DST: variants seen among roughly 807,000 people sequenced by gnomAD.
DST encodes dystonin.
DST carries 253 observed loss-of-function variants against 875.2 expected under a neutral mutation model. The ratio of observed to expected loss-of-function variants is 0.29; its 90% CI spans 0.26 to 0.32. DST has a LOEUF of 0.32. DST is among the 10% of genes least tolerant of loss of function. The pLI is 1.00. For missense variants in DST, 8,287 were observed against 9,111.6 expected (o/e 0.91, Z 3.68); for synonymous variants, 3,124 against 3,197.1 (o/e 0.98, Z 0.77).
At chr6:56,464,074 A>G (rs1474920248) in intron 100 of DST, 2 of 426,350 alleles carry the variant, frequency 4.7e-6, no homozygotes, top group Non-Finnish European at 8.8e-6. Context: ...TCATGCTAAA[A>G]TATCATTAAT....
chr6:56,494,897 G>A (rs2152445853), intron 82 of DST, among the ~76,000 whole-genome samples: 1 of 151,708 alleles, frequency 6.6e-6, no homozygotes, highest in Non-Finnish European at 1.5e-5. Flanking sequence ...CTATAATGTG[G>A]GTTAAATCAT....
intron 3 of DST, among the ~76,000 whole-genome samples, chr6:56,890,024 G>A (rs1452843989): frequency 1.3e-5 from 2 of 152,182 alleles, no homozygotes; most frequent in Non-Finnish European, 2.9e-5. Flanking sequence ...GAGACTCAAA[G>A]TAATTAAAAT....
intron 3 of DST, among the ~76,000 whole-genome samples, chr6:56,852,491 T>C (rs542895154): frequency 7.9e-5 from 12 of 152,198 alleles, no homozygotes; most frequent in Non-Finnish European, 1.3e-4. Flanking sequence ...TCCCTTCATC[T>C]AGCTGGAGCA....
intron 64 of DST, 46 bp downstream of exon 64, chr6:56,532,298 G>C: frequency 6.4e-7 from 1 of 1,556,204 alleles, no homozygotes; most frequent in Non-Finnish European, 8.8e-7. Context: ...TTTGTAGACA[G>C]AGGCCACTGC....
At chr6:56,669,069 A>T (rs1446248001) in intron 10 of DST, among the ~76,000 whole-genome samples, 1 of 152,032 alleles carries the variant, frequency 6.6e-6, no homozygotes, top group African/African-American at 2.4e-5. Context: ...GCTTTATGAG[A>T]TTGTCAGGAG....
At chr6:56,880,906 G>A (rs544755654) in intron 3 of DST, among the ~76,000 whole-genome samples, 4 of 141,836 alleles carry the variant, frequency 2.8e-5, no homozygotes, top group Non-Finnish European at 6.0e-5. Context: ...AGAGTGCAGC[G>A]GCACAATCTC....
chr6:56,789,822 A>G (rs1346667748), intron 4 of DST, among the ~76,000 whole-genome samples: 4 of 152,228 alleles, frequency 2.6e-5, no homozygotes, highest in Admixed American at 2.0e-4. Flanking sequence ...TTGTATGTAC[A>G]TACGACATTT....
chr6:56,487,086 T>C lies in DST; in HGVS notation c.21047+18A>G, dbSNP rs2095595825. The C allele has an allele frequency of 6.2e-7, 1 of 1,613,042 alleles. No homozygotes were observed. The highest frequency in any genetic ancestry group is 8.5e-7 in the Non-Finnish European group (1 of 1,179,324). On this transcript the variant is annotated intron_variant, in intron 87 of 103. Transcript: ENST00000680361. ...AGAGGTCTACAGAGTAACCAAACTG[T>C]CTTAAAGAACATTTTACCTTTCCAC...
At chr6:56,633,200 T>TTTTG (rs1554532794) in intron 27 of DST, among the ~76,000 whole-genome samples, 163 bp from the exon 28 acceptor site, 2 of 151,702 alleles carry the variant, frequency 1.3e-5, no homozygotes, top group African/African-American at 4.9e-5. Flanking sequence ...AGGTGGTTTT[T>TTTTG]TTTTGTTTTT....
At position 56,703,692 on chromosome 6, in the gene DST, A is replaced by T; in HGVS notation, c.832T>A (p.Cys278Ser). The change falls in exon 7 of 104, where the codon TGC (cysteine) becomes AGC (serine). Residue 278 changes from cysteine to serine, a missense_variant. Physicochemically the swap from Cys to Ser is moderately radical, Grantham distance 112. Coordinates refer to ENST00000680361, the MANE Select transcript of DST (RefSeq NM_001374736.1). ...ACATCCTCATGCTGTTCATATTCGC[A>T]TGCTTCTGTTGCACTCACCAATCGT... ...TLRLVSATEA[C>S]EYEQHEDVED... 71 of 985,338 alleles carry T rather than the reference A, an allele frequency of 7.2e-5. No individual in the cohort carries two copies. Among genetic ancestry groups the T allele is most frequent in the Non-Finnish European group, 8.3e-5 (69 of 829,898 alleles). The allele number at this position is 985,338 out of a possible 1,614,324, so 61.0% of individuals were successfully genotyped here.
chr6:56,686,293 T>G (rs1379627290), intron 9 of DST, among the ~76,000 whole-genome samples: 2 of 152,152 alleles, frequency 1.3e-5, no homozygotes, highest in East Asian at 3.8e-4. Flanking sequence ...CACTGGGTAT[T>G]CCAAAAGTGG....
chr6:56,634,021 T>C, intron 27 of DST, 111 bp downstream of exon 27: 1 of 1,252,872 alleles, frequency 8.0e-7, no homozygotes, highest in Non-Finnish European at 1.2e-6. Context: ...AATATTAGCA[T>C]GGATTTGCCG....
intron 71 of DST, 85 bp downstream of exon 71, chr6:56,517,113 C>A (rs1350464858): frequency 1.0e-6 from 1 of 952,780 alleles, no homozygotes. Context: ...CTGTGGATAA[C>A]GGAGAAGTGT....
At chr6:56,713,257 T>A (rs2099384228) in intron 5 of DST, among the ~76,000 whole-genome samples, 1 of 152,144 alleles carries the variant, frequency 6.6e-6, no homozygotes, top group Admixed American at 6.6e-5. Flanking sequence ...TATAAGGATG[T>A]GACAAATAAA....
chr6:56,698,902 A>G (rs572619882), intron 9 of DST, among the ~76,000 whole-genome samples: 1 of 152,310 alleles, frequency 6.6e-6, no homozygotes, highest in South Asian at 2.1e-4. Flanking sequence ...AGATGATCCC[A>G]TCACCCAGAT....
At chr6:56,471,461 T>C (rs2094888374) in intron 94 of DST, among the ~76,000 whole-genome samples, 193 bp from the exon 95 acceptor site, 1 of 152,226 alleles carries the variant, frequency 6.6e-6, no homozygotes, top group Non-Finnish European at 1.5e-5. Context: ...TCACTGATTT[T>C]TCTTTACAAA....
chr6:56,908,918 T>C (rs1797685494), intron 2 of DST, among the ~76,000 whole-genome samples: 1 of 152,248 alleles, frequency 6.6e-6, no homozygotes, highest in African/African-American at 2.4e-5. Context: ...AATCCACCCC[T>C]TGTTTAGCAT....
At chr6:56,891,459 C>T (rs1787380542) in intron 3 of DST, among the ~76,000 whole-genome samples, 1 of 150,928 alleles carries the variant, frequency 6.6e-6, no homozygotes, top group African/African-American at 2.4e-5. Flanking sequence ...CCCAGCTACC[C>T]AGAAGGCTGA....
At chr6:56,658,258 T>C (rs184804470) in intron 10 of DST, among the ~76,000 whole-genome samples, 1 of 152,252 alleles carries the variant, frequency 6.6e-6, no homozygotes, top group East Asian at 1.9e-4. Flanking sequence ...AAAGCCTAAA[T>C]TGAGGTGGAA....
Sources: allele counts gnomAD v4.1 joint callset (sites outside exome capture counted in the v4.1 genomes callset), GRCh38; gene constraint gnomAD v4.1.1; transcripts MANE v1.5; gene names NCBI Gene and HGNC (gene_info 2026-07-23, HGNC 2026-07-21).